Variants in MDFIC2 observed in about 807,000 individuals in gnomAD.
MDFIC2 encodes the protein MyoD family inhibitor domain containing 2.
At chr3:70,299,296 T>G (rs2106700052) in intron 2 of MDFIC2, among the ~76,000 whole-genome samples, 1 of 149,948 alleles carries the variant, frequency 6.7e-6, no homozygotes, top group South Asian at 2.1e-4. Flanking sequence ...CATAATCATA[T>G]TTTATTAAAA....
intron 2 of MDFIC2, among the ~76,000 whole-genome samples, chr3:70,242,393 T>C (rs1559543076): frequency 6.6e-6 from 1 of 151,062 alleles, no homozygotes; most frequent in East Asian, 1.9e-4. Flanking sequence ...GTGGAAAATT[T>C]CTTTTTGTAG....
At chr3:70,261,885 A>G (rs372696474) in intron 2 of MDFIC2, among the ~76,000 whole-genome samples, 2 of 152,106 alleles carry the variant, frequency 1.3e-5, no homozygotes, top group African/African-American at 4.8e-5. Context: ...ATCCAAGAAG[A>G]TCCGGGGCTG....
chr3:70,197,718 C>G (rs1023288163), intron 3 of MDFIC2, among the ~76,000 whole-genome samples: 1 of 152,188 alleles, frequency 6.6e-6, no homozygotes, highest in Non-Finnish European at 1.5e-5. Flanking sequence ...AATATAAATG[C>G]TTTTTAAAAT....
chr3:70,268,155 C>G (rs896288333), intron 2 of MDFIC2, among the ~76,000 whole-genome samples: 1 of 151,170 alleles, frequency 6.6e-6, no homozygotes, highest in Non-Finnish European at 1.5e-5. Flanking sequence ...CCTGCCCCCA[C>G]ACATGCACAG....
rs1249280717 is a variant in MDFIC2, at chr3:70,225,687, G to A, written c.89-18897C>T. 2.6e-5 allele frequency among the ~76,000 whole-genome samples: 4 copies of A among 152,134 alleles called. No homozygotes were observed. The East Asian group carries it at 7.7e-4, about 29-fold the overall frequency. ...CCTTCTAGATCAAAAGCAGTTTAGT[G>A]TTTCTTGAACACCCCCAAAATGAAA... On this transcript the variant is annotated intron_variant, in intron 2 of 3. Coordinates refer to ENST00000567252, the MANE Select transcript of MDFIC2 (RefSeq NM_001364677.1).
chr3:70,241,482 AT>A (rs1307521308), intron 2 of MDFIC2, among the ~76,000 whole-genome samples: 2 of 152,194 alleles, frequency 1.3e-5, no homozygotes, highest in African/African-American at 4.8e-5. Context: ...CTAAAATGTA[AT>A]GGGAGGTATG....
chr3:70,288,906 T>G (rs1348444937), intron 2 of MDFIC2, among the ~76,000 whole-genome samples: 5 of 151,770 alleles, frequency 3.3e-5, no homozygotes, highest in Admixed American at 6.6e-5. Flanking sequence ...GTTTTCCATT[T>G]GCTTGGTAGA....
intron 3 of MDFIC2, among the ~76,000 whole-genome samples, chr3:70,199,773 C>A (rs952442939): frequency 6.6e-6 from 1 of 152,134 alleles, no homozygotes; most frequent in Non-Finnish European, 1.5e-5. Context: ...TTTCCTGGTG[C>A]TTTAATGTTT....
chr3:70,286,859 G>C (rs1702170181), intron 2 of MDFIC2, among the ~76,000 whole-genome samples: 1 of 152,052 alleles, frequency 6.6e-6, no homozygotes, highest in Non-Finnish European at 1.5e-5. Flanking sequence ...CTCTCTGTTT[G>C]TCTGTTGTTG....
intron 2 of MDFIC2, among the ~76,000 whole-genome samples, chr3:70,212,561 C>T (rs2106730054): frequency 6.6e-6 from 1 of 152,198 alleles, no homozygotes; most frequent in African/African-American, 2.4e-5. Context: ...TCCATTACTG[C>T]CACTCAGATT....
chr3:70,225,006 G>A (rs944252151), intron 2 of MDFIC2, among the ~76,000 whole-genome samples: 3 of 152,062 alleles, frequency 2.0e-5, no homozygotes, highest in African/African-American at 7.2e-5. Context: ...ATGTTGATAC[G>A]TGTACTCAAG....
intron 2 of MDFIC2, among the ~76,000 whole-genome samples, chr3:70,275,044 C>G (rs1296218955): frequency 6.6e-6 from 1 of 152,204 alleles, no homozygotes; most frequent in Admixed American, 6.5e-5. Flanking sequence ...TCAAAGGAAA[C>G]TACCTCTTCA....
chr3:70,303,928 CCTCCTCAGCT>C (rs1702375763), intron 2 of MDFIC2, among the ~76,000 whole-genome samples: 1 of 152,186 alleles, frequency 6.6e-6, no homozygotes, highest in Non-Finnish European at 1.5e-5. Context: ...AGTGATCCAT[CCTCCTCAGCT>C]TCTCAAGGTG....
chr3:70,262,360 G>A (rs1038039268), intron 2 of MDFIC2, among the ~76,000 whole-genome samples: 2 of 152,134 alleles, frequency 1.3e-5, no homozygotes, highest in Admixed American at 1.3e-4. Context: ...GATAACATAA[G>A]TTTTAATGAG....
rs139879568 is a variant in MDFIC2, at chr3:70,249,872, C to T, written c.89-43082G>A. On this transcript the variant is annotated intron_variant, in intron 2 of 3. Transcript: ENST00000567252. ...ATGCTGAAATTCCTTTATTTGCTAA[C>T]GTTAATAAAAAAATTCTTGAGGGGG... 4.0e-3 allele frequency among the ~76,000 whole-genome samples: 604 copies of T among 152,080 alleles called. 1 individual carries two copies. The highest frequency in any genetic ancestry group is 6.5e-3 in the Non-Finnish European group (440 of 67,976).
At chr3:70,242,925 A>G (rs1701676108) in intron 2 of MDFIC2, among the ~76,000 whole-genome samples, 2 of 152,138 alleles carry the variant, frequency 1.3e-5, no homozygotes, top group African/African-American at 4.8e-5. Context: ...CAGGTGGGTA[A>G]AAAACAACCA....
At chr3:70,274,980 T>C (rs531902361) in intron 2 of MDFIC2, among the ~76,000 whole-genome samples, 1 of 152,250 alleles carries the variant, frequency 6.6e-6, no homozygotes, top group South Asian at 2.1e-4. Flanking sequence ...AAACTATTTA[T>C]CTGTGAGAAT....
chr3:70,301,453 A>T (rs1007001398), intron 2 of MDFIC2, among the ~76,000 whole-genome samples: 1 of 152,038 alleles, frequency 6.6e-6, no homozygotes, highest in East Asian at 1.9e-4. Context: ...CTGATATTTT[A>T]TTTTCCCAAC....
chr3:70,234,692 T>C lies in MDFIC2; in HGVS notation c.89-27902A>G, dbSNP rs1054374194. Among the ~76,000 whole-genome samples, 4 of 151,996 alleles carry C rather than the reference T, an allele frequency of 2.6e-5. No individual in the cohort carries two copies. In the South Asian group the frequency reaches 8.3e-4, roughly 31 times the overall value. ...TTAATAGAGCTATGGTCACAAGTAA[T>C]GGACACACATACATCTACTTTGCAG... On this transcript the variant is annotated intron_variant, in intron 2 of 3. Coordinates refer to ENST00000567252, the MANE Select transcript of MDFIC2 (RefSeq NM_001364677.1).
Sources: gnomAD v4.1 joint callset for allele counts (sites outside exome capture counted in the v4.1 genomes callset) on GRCh38, gnomAD v4.1.1 for gene constraint, MANE v1.5 for transcripts, NCBI Gene and HGNC (gene_info 2026-07-23, HGNC 2026-07-21) for gene names.